Variants in ZNF475 observed in about 807,000 individuals in gnomAD.
The protein encoded by ZNF475 is zinc finger protein 475.
chr5:122,177,477 C>A, the ZNF475 span, among the ~76,000 whole-genome samples: 3 of 152,122 alleles, frequency 2.0e-5, no homozygotes. Flanking sequence ...AGTCAGAAGG[C>A]AATCAATCAA....
chr5:122,164,036 T>TG, the ZNF475 span, among the ~76,000 whole-genome samples: 1 of 151,900 alleles, frequency 6.6e-6, no homozygotes, highest in Non-Finnish European at 1.5e-5. Flanking sequence ...GTCTTTCGAG[T>TG]GAAAACACTG....
chr5:122,164,123 G>T, the ZNF475 span, among the ~76,000 whole-genome samples: 1 of 152,128 alleles, frequency 6.6e-6, no homozygotes, highest in East Asian at 1.9e-4. Context: ...TAACAATAAG[G>T]TTAGTTCATT....
chr5:122,180,400 C>G, the ZNF475 span, among the ~76,000 whole-genome samples: 4 of 152,286 alleles, frequency 2.6e-5, no homozygotes, highest in East Asian at 3.9e-4. Context: ...TTTTAAATGT[C>G]CAGAATTTTT....
the ZNF475 span, chr5:122,179,719 G>A: frequency 6.6e-7 from 1 of 1,513,028 alleles, no homozygotes; most frequent in Non-Finnish European, 8.8e-7. Flanking sequence ...CCAGAAGTCA[G>A]GACCATTACT....
At chr5:122,162,982 C>T in the ZNF475 span, 1 of 152,078 alleles carries the variant, frequency 6.6e-6, no homozygotes, top group Non-Finnish European at 1.5e-5. Flanking sequence ...CTAGAAGCAA[C>T]TGGAATCAGA....
At chr5:122,161,137 C>G in the ZNF475 span, among the ~76,000 whole-genome samples, 2 of 152,188 alleles carry the variant, frequency 1.3e-5, no homozygotes, top group African/African-American at 4.8e-5. Flanking sequence ...GTGTAGTGCT[C>G]CTCTCCCTTA....
chr5:122,171,944 G>A, the ZNF475 span, among the ~76,000 whole-genome samples: 2 of 152,008 alleles, frequency 1.3e-5, no homozygotes, highest in East Asian at 1.9e-4. Flanking sequence ...TCACTAGATT[G>A]CTCAGGCTCA....
At chr5:122,175,625 A>G in the ZNF475 span, among the ~76,000 whole-genome samples, 2 of 152,184 alleles carry the variant, frequency 1.3e-5, no homozygotes, top group African/African-American at 2.4e-5. Context: ...TCTCATACTT[A>G]GAAGACTAAG....
chr5:122,167,411 T>C, the ZNF475 span, among the ~76,000 whole-genome samples: 3 of 152,256 alleles, frequency 2.0e-5, no homozygotes, highest in Non-Finnish European at 2.9e-5. Context: ...TTTTCTTTTA[T>C]GGTTATATGC....
the ZNF475 span, chr5:122,182,502 T>C: frequency 6.7e-7 from 1 of 1,497,474 alleles, no homozygotes; most frequent in Non-Finnish European, 8.9e-7. Context: ...CAAAGGCTTC[T>C]ATGATCTTGA....
At chr5:122,163,356 C>T in the ZNF475 span, 1 of 152,170 alleles carries the variant, frequency 6.6e-6, no homozygotes, top group African/African-American at 2.4e-5. Flanking sequence ...TAATTAGTTG[C>T]CATTATGCCA....
the ZNF475 span, among the ~76,000 whole-genome samples, chr5:122,171,039 G>A: frequency 6.6e-6 from 1 of 152,094 alleles, no homozygotes; most frequent in South Asian, 2.1e-4. Flanking sequence ...TTATGCCACA[G>A]CATTGTAATT....
At chr5:122,181,271 C>G in the ZNF475 span, among the ~76,000 whole-genome samples, 2 of 152,272 alleles carry the variant, frequency 1.3e-5, no homozygotes, top group South Asian at 4.1e-4. Flanking sequence ...ACCCCTCTTC[C>G]TGATCTGAAG....
the ZNF475 span, among the ~76,000 whole-genome samples, chr5:122,160,825 C>T: frequency 1.3e-5 from 2 of 152,336 alleles, no homozygotes; most frequent in African/African-American, 2.4e-5. Context: ...TCCAAACACA[C>T]GTACATCCAC....
At chr5:122,164,353 C>T in the ZNF475 span, among the ~76,000 whole-genome samples, 5 of 152,102 alleles carry the variant, frequency 3.3e-5, no homozygotes, top group Admixed American at 2.0e-4. Flanking sequence ...TTGTGCTGAC[C>T]AAGTAAAACA....
chr5:122,176,318 G>T, the ZNF475 span, among the ~76,000 whole-genome samples: 1 of 151,844 alleles, frequency 6.6e-6, no homozygotes, highest in Non-Finnish European at 1.5e-5. Flanking sequence ...TGTGTGAATA[G>T]CTCTGAAATA....
chr5:122,171,488 A>G, the ZNF475 span, among the ~76,000 whole-genome samples: 3 of 152,232 alleles, frequency 2.0e-5, no homozygotes, highest in African/African-American at 7.2e-5. Context: ...AAAAGGCACC[A>G]AAGTGAAACT....
the ZNF475 span, among the ~76,000 whole-genome samples, chr5:122,171,015 A>G: frequency 6.6e-6 from 1 of 152,164 alleles, no homozygotes; most frequent in Non-Finnish European, 1.5e-5. Flanking sequence ...CAGAGACCAA[A>G]TATGCATTTC....
At chr5:122,168,723 A>T in the ZNF475 span, among the ~76,000 whole-genome samples, 1 of 152,188 alleles carries the variant, frequency 6.6e-6, no homozygotes, top group African/African-American at 2.4e-5. Flanking sequence ...AAAAATAAAA[A>T]ATTATAAATT....
Sources: allele counts gnomAD v4.1 joint callset (sites outside exome capture counted in the v4.1 genomes callset), GRCh38; gene constraint gnomAD v4.1.1; transcripts MANE v1.5; gene names NCBI Gene and HGNC (gene_info 2026-07-23, HGNC 2026-07-21).